INPP4A: variants seen among roughly 807,000 people sequenced by gnomAD.
The protein encoded by INPP4A is inositol polyphosphate-4-phosphatase, type I, 107kD.
Under a neutral mutation model 119.8 loss-of-function variants are expected in INPP4A, and 33 were observed. The observed-to-expected ratio is 0.28, with a 90% CI of 0.21 to 0.37. INPP4A has a LOEUF of 0.37. Ranked by LOEUF, INPP4A falls within the 10% of genes least tolerant of loss-of-function variation. The pLI is 1.00. For synonymous variants in INPP4A, 496 were observed against 500.7 expected, an observed-to-expected ratio of 0.99 and a Z score of 0.12; for missense variants, 956 against 1,289.9, an observed-to-expected ratio of 0.74 and a Z score of 3.97.
rs148232884 is a variant in INPP4A at position 98,579,077 on chromosome 2, G to A, written c.2786+1934G>A. Among the ~76,000 whole-genome samples, 58 of 150,104 alleles carry A rather than the reference G, an allele frequency of 3.9e-4. 1 individual carries two copies. In the East Asian group the frequency reaches 0.011, roughly 28 times the overall value. ...TTTTTCTTTTTTTTTTTTTGAGATGGAATCTTGCTCTGTCACCCAGGCTGG... is the reference window on the plus strand; with the variant it reads ...TTTTTCTTTTTTTTTTTTTGAGATGAAATCTTGCTCTGTCACCCAGGCTGG... On this transcript the variant is annotated intron_variant, in intron 24 of 24. Coordinates refer to ENST00000409851, the MANE Select transcript of INPP4A (RefSeq NM_001134225.2).
chr2:98,515,008 G>T (rs111576452), intron 1 of INPP4A, among the ~76,000 whole-genome samples: 2 of 152,014 alleles, frequency 1.3e-5, no homozygotes, highest in Non-Finnish European at 2.9e-5. Context: ...AGAGGTTCCC[G>T]GAGAGTGGCA....
chr2:98,575,113 T>C (rs1026631326), intron 23 of INPP4A, among the ~76,000 whole-genome samples: 1 of 152,236 alleles, frequency 6.6e-6, no homozygotes, highest in Admixed American at 6.5e-5. Context: ...CAGGCTCTTA[T>C]TTCTTTTTGT....
intron 1 of INPP4A, among the ~76,000 whole-genome samples, chr2:98,512,418 C>G (rs1685287500): frequency 6.6e-6 from 1 of 152,228 alleles, no homozygotes; most frequent in South Asian, 2.1e-4. Flanking sequence ...AATCCATTTT[C>G]TGCTACTCCA....
At chr2:98,583,947 A>G (rs1263768727) in intron 24 of INPP4A, among the ~76,000 whole-genome samples, 3 of 152,208 alleles carry the variant, frequency 2.0e-5, no homozygotes, top group African/African-American at 7.2e-5. Flanking sequence ...GGCAGGCATC[A>G]CCTGTGTGTC....
chr2:98,541,653 C>T (rs1265864749), intron 10 of INPP4A, among the ~76,000 whole-genome samples: 2 of 152,214 alleles, frequency 1.3e-5, no homozygotes, highest in Non-Finnish European at 1.5e-5. Context: ...ACCATCATAG[C>T]TCACTACAGC....
chr2:98,461,325 G>A (rs1422563303), intron 1 of INPP4A, among the ~76,000 whole-genome samples: 3 of 152,222 alleles, frequency 2.0e-5, no homozygotes, highest in Non-Finnish European at 4.4e-5. Context: ...AGTGAAGGGC[G>A]GAGAGCAAGG....
rs373544908 is a variant in INPP4A, at chr2:98,495,806, A to ACCTAAAAT, written c.-165-23156_-165-23149dup. Among the ~76,000 whole-genome samples, 792 of 152,314 alleles carry ACCTAAAAT rather than the reference A, an allele frequency of 5.2e-3. 11 individuals carry two copies. The highest frequency in any genetic ancestry group is 0.018 in the African/African-American group (736 of 41,560). On this transcript the variant is annotated intron_variant, in intron 1 of 24. Coordinates refer to ENST00000409851, the MANE Select transcript of INPP4A (RefSeq NM_001134225.2). Reference sequence around the variant, plus strand: ...TAGTAGGCTTTAGAGCTCTTATACGACCTAAAATCGTGCCAGACTCTTAGT... The same window carrying ACCTAAAAT: ...TAGTAGGCTTTAGAGCTCTTATACGACCTAAAATCCTAAAATCGTGCCAGACTCTTAGT...
In INPP4A at chr2:98,564,637, C is replaced by G. The variant is rs1446899730; in HGVS notation, c.2029-3C>G. 1 of 1,613,240 alleles carries G rather than the reference C, an allele frequency of 6.2e-7. No individual in the cohort carries two copies. Among genetic ancestry groups the G allele is most frequent in the Non-Finnish European group, 8.5e-7 (1 of 1,179,832 alleles). On this transcript the variant is annotated splice_polypyrimidine_tract_variant and splice_region_variant and intron_variant, in intron 18 of 24. Transcript: ENST00000409851. ...TGAACCTCTTCACCCCACGCTCCCA[C>G]AGCTGACCGCCCTCATCTGCGGCTT... is the stretch of plus-strand genomic sequence containing the variant.
intron 7 of INPP4A, among the ~76,000 whole-genome samples, chr2:98,537,333 T>C (rs963163935): frequency 9.2e-5 from 14 of 152,234 alleles, no homozygotes; most frequent in African/African-American, 3.1e-4. Context: ...TAAAGCTGAC[T>C]GAGGCTGGGG....
At chr2:98,529,834 AAATT>A (rs796278735) in intron 4 of INPP4A, among the ~76,000 whole-genome samples, 3 of 152,362 alleles carry the variant, frequency 2.0e-5, no homozygotes, top group African/African-American at 2.4e-5. Flanking sequence ...AACGTAGTAA[AAATT>A]AAAGCAATGC....
intron 1 of INPP4A, among the ~76,000 whole-genome samples, chr2:98,451,905 G>T (rs76491785): frequency 1.3e-5 from 2 of 152,118 alleles, no homozygotes; most frequent in Non-Finnish European, 2.9e-5. Context: ...GGATTATGGG[G>T]TGTGTCAGTT....
intron 1 of INPP4A, among the ~76,000 whole-genome samples, chr2:98,488,432 C>T (rs1438294862): frequency 6.6e-6 from 1 of 152,172 alleles, no homozygotes; most frequent in African/African-American, 2.4e-5. Flanking sequence ...TCTGTGTTTC[C>T]TTCTTGGGCT....
In INPP4A at chr2:98,593,497, C is replaced by T. The variant is rs1202218596; in HGVS notation, c.*5889C>T. ...CCCTTTCTCACTTAAGATGATCTTCCTGAAAAATCTTACACATTCCTGTTG... is the reference window on the plus strand; with the variant it reads ...CCCTTTCTCACTTAAGATGATCTTCTTGAAAAATCTTACACATTCCTGTTG... On this transcript the variant is annotated 3_prime_UTR_variant, in exon 25 of 25. Coordinates refer to ENST00000409851, the MANE Select transcript of INPP4A (RefSeq NM_001134225.2). 1 of 152,232 alleles carries T rather than the reference C, an allele frequency of 6.6e-6. No individual in the cohort carries two copies. Among genetic ancestry groups the T allele is most frequent in the Non-Finnish European group, 1.5e-5 (1 of 68,040 alleles). The allele number at this position is 152,232 out of a possible 1,614,324, so 9.4% of individuals were successfully genotyped here.
chr2:98,546,558 T>G lies in INPP4A; in HGVS notation c.1055-28T>G. 1.9e-6 allele frequency: 3 copies of G among 1,540,762 alleles called. No homozygotes were observed. Among genetic ancestry groups the G allele is most frequent in the Non-Finnish European group, 2.7e-6 (3 of 1,114,270 alleles). ...CTTGTCCACAGGCCTGAGCCCAGAG[T>G]AATGGAGGAGAGCTTTCTGTCATTC... On this transcript the variant is annotated intron_variant, in intron 12 of 24. Coordinates refer to ENST00000409851, the MANE Select transcript of INPP4A (RefSeq NM_001134225.2). The surrounding 1 kb of genome is among the most constrained non-coding windows in gnomAD (Gnocchi z 4.2).
chr2:98,527,299 C>T (rs928984844), intron 4 of INPP4A, among the ~76,000 whole-genome samples: 2 of 152,228 alleles, frequency 1.3e-5, no homozygotes, highest in African/African-American at 4.8e-5. Context: ...GAAAACCCTA[C>T]ATCCTGTACC....
chr2:98,566,267 CT>C lies in INPP4A; in HGVS notation c.2420+101del. 7.9e-7 allele frequency: 1 copy of C among 1,264,924 alleles called. No individual in the cohort carries two copies. The highest frequency in any genetic ancestry group is 1.7e-5 in the South Asian group (1 of 58,328). 78.4% of individuals were successfully genotyped at this position (1,264,924 alleles called of 1,614,324 possible). The stretch of plus-strand genomic sequence containing the variant: ...CTTCAGGCTCTAAGTGCTGGACAGA[CT>C]TTGTCATCCTTCCTTCCTTTGGCCA... On this transcript the variant is annotated intron_variant, in intron 21 of 24. Transcript: ENST00000409851. This position sits in a 1 kb window ranked among gnomAD's most constrained non-coding sequence, Gnocchi z 4.2.
At chr2:98,551,278 G>C (rs1693470006) in intron 13 of INPP4A, among the ~76,000 whole-genome samples, 1 of 152,174 alleles carries the variant, frequency 6.6e-6, no homozygotes, top group South Asian at 2.1e-4. Flanking sequence ...CCTATTTTGA[G>C]ATTGTCTTTT....
At chr2:98,483,090 T>G (rs911733893) in intron 1 of INPP4A, among the ~76,000 whole-genome samples, 1 of 152,250 alleles carries the variant, frequency 6.6e-6, no homozygotes, top group Non-Finnish European at 1.5e-5. Context: ...GATTTTGGCA[T>G]GTACTCTATA....
At chr2:98,558,525 G>C (rs942426194) in intron 16 of INPP4A, among the ~76,000 whole-genome samples, 1 of 152,174 alleles carries the variant, frequency 6.6e-6, no homozygotes, top group African/African-American at 2.4e-5. Context: ...CACTTCCAAA[G>C]ACGATTAGAG....
Sources: gnomAD v4.1 joint callset for allele counts (sites outside exome capture counted in the v4.1 genomes callset) on GRCh38, gnomAD v4.1.1 for gene constraint, Gnocchi (gnomAD v3.1) non-coding constraint, MANE v1.5 for transcripts, NCBI Gene and HGNC (gene_info 2026-07-23, HGNC 2026-07-21) for gene names.